The following CD82 variants were observed in gnomAD, a reference collection of about 807,000 sequenced individuals.
CD82 encodes CD82 antigen.
A neutral mutation model predicts 37.4 loss-of-function variants in CD82; 36 were observed. The observed-to-expected ratio is 0.96, with a 90% CI of 0.74 to 1.27. CD82 has a LOEUF of 1.27. Ranked by LOEUF, CD82 falls within the 50% of genes most tolerant of loss-of-function variation. The pLI is 0.00. For synonymous variants in CD82, 158 were observed against 137.4 expected, an observed-to-expected ratio of 1.15 and a Z score of -1.05; for missense variants, 340 against 347.0, an observed-to-expected ratio of 0.98 and a Z score of 0.16.
intron 1 of CD82, among the ~76,000 whole-genome samples, chr11:44,577,344 CTGTCTTCCTCA>C (rs1423989759): frequency 6.6e-6 from 1 of 152,158 alleles, no homozygotes; most frequent in African/African-American, 2.4e-5. Flanking sequence ...TCACTTCCTC[CTGTCTTCCTCA>C]TTCTTCTACA....
In CD82 at chr11:44,581,348, A is replaced by G. The variant is rs189366476; in HGVS notation, c.-102-6127A>G. ...TGAGTCTCAGTTTCTGCAGTTGTACAATGGGGTGATGAGCAGTGGCTTATC... is the reference window on the plus strand; with the variant it reads ...TGAGTCTCAGTTTCTGCAGTTGTACGATGGGGTGATGAGCAGTGGCTTATC... On this transcript the variant is annotated intron_variant, in intron 1 of 9. Coordinates refer to ENST00000227155, the MANE Select transcript of CD82 (RefSeq NM_002231.4). Among the ~76,000 whole-genome samples the G allele has an allele frequency of 9.2e-5, 14 of 152,312 alleles. No individual in the cohort carries two copies. The East Asian group carries it at 1.3e-3, about 15-fold the overall frequency.
upstream of CD82, among the ~76,000 whole-genome samples, chr11:44,565,429 A>C (rs1216235456): frequency 2.0e-5 from 3 of 149,646 alleles, no homozygotes; most frequent in Non-Finnish European, 4.5e-5. Context: ...GGGATAGAGG[A>C]GAGACTCCGT....
In CD82 at chr11:44,570,813, G is replaced by C. The variant is rs575534181; in HGVS notation, c.-103+5077G>C. Among the ~76,000 whole-genome samples, 10 of 152,344 alleles carry C rather than the reference G, an allele frequency of 6.6e-5. No individual in the cohort carries two copies. The South Asian group carries it at 2.1e-3, about 32-fold the overall frequency. On this transcript the variant is annotated intron_variant, in intron 1 of 9. Transcript: ENST00000227155. The stretch of plus-strand genomic sequence containing the variant: ...CCTTTAGTGAACTCTGACTCAGCCA[G>C]AAAGAGCATCTTGGAGTCAACAATT...
chr11:44,608,744 C>T (rs1388659575), intron 6 of CD82, among the ~76,000 whole-genome samples: 1 of 152,246 alleles, frequency 6.6e-6, no homozygotes, highest in African/African-American at 2.4e-5. Context: ...CTGCCCCATT[C>T]GGGTGTCCCT....
intron 8 of CD82, 96 bp from the exon 9 acceptor site, chr11:44,618,544 G>A (rs1414102433): frequency 1.7e-6 from 2 of 1,163,100 alleles, no homozygotes; most frequent in Non-Finnish European, 2.5e-6. Context: ...CCTCTGTAGG[G>A]GCTTCCGGGC....
rs577006939 is a variant in CD82, at chr11:44,578,245, T to C, written c.-102-9230T>C. On this transcript the variant is annotated intron_variant, in intron 1 of 9. Coordinates refer to ENST00000227155, the MANE Select transcript of CD82 (RefSeq NM_002231.4). Reference sequence around the variant, plus strand: ...GGCTCTCCAGGCCCATATCTCTTAGTGCAGTGCCTGGTTTGCTGGGTCGCC... The same window carrying C: ...GGCTCTCCAGGCCCATATCTCTTAGCGCAGTGCCTGGTTTGCTGGGTCGCC... 3.9e-4 allele frequency among the ~76,000 whole-genome samples: 60 copies of C among 152,284 alleles called. 1 individual carries two copies. The highest frequency in any genetic ancestry group is 1.4e-3 in the African/African-American group (58 of 41,548).
At chr11:44,570,346 T>A (rs1393990513) in intron 1 of CD82, among the ~76,000 whole-genome samples, 1 of 152,236 alleles carries the variant, frequency 6.6e-6, no homozygotes, top group Non-Finnish European at 1.5e-5. Context: ...CTACACTGTG[T>A]ACCCTCCTCT....
At chr11:44,568,079 G>A (rs1356011364) in intron 1 of CD82, among the ~76,000 whole-genome samples, 3 of 152,244 alleles carry the variant, frequency 2.0e-5, no homozygotes, top group Non-Finnish European at 4.4e-5. Context: ...CTGATTTGCA[G>A]AAAGTGGGAG....
intron 6 of CD82, among the ~76,000 whole-genome samples, chr11:44,612,926 C>A (rs1853506805): frequency 6.6e-6 from 1 of 152,072 alleles, no homozygotes; most frequent in East Asian, 1.9e-4. Flanking sequence ...CGTGAGCCAC[C>A]ATGGCCAGCC....
chr11:44,610,376 C>A (rs1008063120), intron 6 of CD82, among the ~76,000 whole-genome samples: 2 of 152,218 alleles, frequency 1.3e-5, no homozygotes, highest in African/African-American at 4.8e-5. Flanking sequence ...CCTCTCAACT[C>A]CGCAACATGC....
At chr11:44,603,340 C>T (rs1208932855) in intron 4 of CD82, among the ~76,000 whole-genome samples, 1 of 152,158 alleles carries the variant, frequency 6.6e-6, no homozygotes, top group Non-Finnish European at 1.5e-5. Flanking sequence ...TCCCGTCCTC[C>T]AGTTTGATAG....
chr11:44,587,106 T>C, intron 1 of CD82: 1 of 286,534 alleles, frequency 3.5e-6, no homozygotes, highest in Admixed American at 4.2e-5. Flanking sequence ...ATGGCCTATG[T>C]TGATTGTAAT....
intron 1 of CD82, among the ~76,000 whole-genome samples, chr11:44,566,599 C>G (rs991427441): frequency 2.6e-5 from 4 of 152,182 alleles, no homozygotes; most frequent in African/African-American, 9.7e-5. Context: ...GGATTCCATT[C>G]CCCCTCCAAA....
chr11:44,601,580 C>A (rs1853310261), intron 4 of CD82, among the ~76,000 whole-genome samples: 1 of 152,222 alleles, frequency 6.6e-6, no homozygotes, highest in Non-Finnish European at 1.5e-5. Flanking sequence ...CATTTCTGCC[C>A]TCTGCGCCCT....
chr11:44,605,144 A>C lies in CD82; in HGVS notation c.223A>C (p.Ile75Leu). The change falls in exon 5 of 10, where the codon ATC becomes CTC. Residue 75 changes from isoleucine to leucine, a missense_variant. Transcript: ENST00000227155. ...VTMLMGFLGC[I>L]GAVNEVRCLL... ...TATGCTCATGGGCTTCCTGGGCTGC[A>C]TCGGCGCCGTCAACGAGGTCCGCTG... 1.9e-6 allele frequency: 3 copies of C among 1,614,162 alleles called. No homozygotes were observed. In the South Asian group the frequency reaches 3.3e-5, roughly 18 times the overall value.
chr11:44,612,903 C>G (rs1853506382), intron 6 of CD82, among the ~76,000 whole-genome samples: 1 of 152,022 alleles, frequency 6.6e-6, no homozygotes, highest in Non-Finnish European at 1.5e-5. Flanking sequence ...TCCCAAAGTG[C>G]TGGAATTACA....
chr11:44,610,949 C>G (rs1295219651), intron 6 of CD82, among the ~76,000 whole-genome samples: 2 of 152,116 alleles, frequency 1.3e-5, no homozygotes, highest in Non-Finnish European at 2.9e-5. Context: ...ATCCTCCTGC[C>G]TCAGCCTCCC....
chr11:44,618,038 G>A (rs2134697591), intron 7 of CD82, 124 bp from the exon 8 acceptor site: 2 of 740,574 alleles, frequency 2.7e-6, no homozygotes, highest in South Asian at 1.8e-5. Context: ...TGGTTCGGCT[G>A]GGACCAGGGG....
At chr11:44,600,281 C>A (rs1440565094) in intron 4 of CD82, 51 bp downstream of exon 4, 1 of 1,548,044 alleles carries the variant, frequency 6.5e-7, no homozygotes, top group African/African-American at 1.4e-5. Context: ...GAGGGGAGGG[C>A]CAGGGCGCAG....
Sources: allele counts gnomAD v4.1 joint callset (sites outside exome capture counted in the v4.1 genomes callset), GRCh38; gene constraint gnomAD v4.1.1; transcripts MANE v1.5; gene names NCBI Gene and HGNC (gene_info 2026-07-23, HGNC 2026-07-21).